NR2C2: variants seen among roughly 807,000 people sequenced by gnomAD.
NR2C2 encodes nuclear receptor subfamily 2 group C member 2, also known as Nuclear hormone receptor TR4.
NR2C2 carries 6 observed loss-of-function variants against 62.9 expected under a neutral mutation model. The observed-to-expected ratio is 0.10, with a 90% CI of 0.05 to 0.19. The LOEUF (loss-of-function observed/expected upper bound fraction) is 0.19, where lower values mean the gene tolerates loss of function less well. NR2C2 is among the 10% of genes least tolerant of loss of function. The pLI is 1.00. For synonymous variants in NR2C2, 272 were observed against 273.8 expected, an observed-to-expected ratio of 0.99 and a Z score of 0.07; for missense variants, 479 against 762.7, an observed-to-expected ratio of 0.63 and a Z score of 4.38.
rs533538010 is a variant in NR2C2, at chr3:14,976,602, C to CTTTT, written c.-39-27255_-39-27252dup. On this transcript the variant is annotated intron_variant, in intron 1 of 13. Coordinates refer to ENST00000425241, the MANE Select transcript of NR2C2 (RefSeq NM_001291694.2). ...TTCTTGAGTCTGTCTTCCTTCCTTC[C>CTTTT]TTTTTTTTTTTTTTTTTTTTTTGAT... Among the ~76,000 whole-genome samples the CTTTT allele has an allele frequency of 5.6e-3, 504 of 90,614 alleles. 17 individuals carry two copies. Among genetic ancestry groups the CTTTT allele is most frequent in the African/African-American group, 0.014 (268 of 19,676 alleles). 59.4% of individuals were successfully genotyped at this position (90,614 alleles called of 152,430 possible). A position where few individuals can be genotyped will look rare whatever the true frequency, so the allele number is the denominator to read the frequency against.
intron 2 of NR2C2, among the ~76,000 whole-genome samples, chr3:15,010,856 A>C (rs1196896597): frequency 6.6e-6 from 1 of 152,198 alleles, no homozygotes; most frequent in Non-Finnish European, 1.5e-5. Context: ...TGACTGGAGA[A>C]GAGCATACAA....
intron 1 of NR2C2, among the ~76,000 whole-genome samples, chr3:14,981,105 CAAT>C (rs1482903828): frequency 1.3e-5 from 2 of 152,206 alleles, no homozygotes; most frequent in African/African-American, 4.8e-5. Flanking sequence ...ACCATAGTAA[CAAT>C]AATAGCTATT....
chr3:14,964,286 C>G (rs1045058156), intron 1 of NR2C2, among the ~76,000 whole-genome samples: 1 of 152,030 alleles, frequency 6.6e-6, no homozygotes, highest in Non-Finnish European at 1.5e-5. Context: ...CTAATATAAA[C>G]AAAATTATTT....
chr3:15,023,404 C>T (rs534807743), intron 6 of NR2C2, 57 bp downstream of exon 6: 40 of 1,589,472 alleles, frequency 2.5e-5, no homozygotes, highest in Non-Finnish European at 3.0e-5. Flanking sequence ...GAGGCACAGA[C>T]GTGTCCCACA....
intron 5 of NR2C2, 55 bp downstream of exon 5, chr3:15,020,987 G>T: frequency 6.6e-7 from 1 of 1,513,472 alleles, no homozygotes; most frequent in Non-Finnish European, 9.1e-7. Flanking sequence ...GACAGTAAAT[G>T]AGTCCATTAA....
intron 4 of NR2C2, among the ~76,000 whole-genome samples, chr3:15,019,118 C>T (rs939987910): frequency 3.4e-5 from 5 of 148,600 alleles, no homozygotes; most frequent in African/African-American, 7.5e-5. Context: ...TCCAGCTACT[C>T]GGGAGGCTGA....
At chr3:15,038,923 C>G in intron 12 of NR2C2, 199 bp from the exon 13 acceptor site, 1 of 573,190 alleles carries the variant, frequency 1.7e-6, no homozygotes, top group Non-Finnish European at 3.1e-6. Flanking sequence ...GTCCCCGACC[C>G]GCTCCCAGGA....
chr3:14,954,729 G>C lies in NR2C2; in HGVS notation c.-40+6823G>C, dbSNP rs528109341. Among the ~76,000 whole-genome samples the C allele has an allele frequency of 7.2e-5, 11 of 152,196 alleles. No individual in the cohort carries two copies. The East Asian group carries it at 9.6e-4, about 13-fold the overall frequency. ...GGAAGGGGTGTGAGAGGGACTTTTGGGGGTATTGGTAATGTCTTGTTTTCT... is the reference window on the plus strand; with the variant it reads ...GGAAGGGGTGTGAGAGGGACTTTTGCGGGTATTGGTAATGTCTTGTTTTCT... On this transcript the variant is annotated intron_variant, in intron 1 of 13. Transcript: ENST00000425241.
At chr3:14,953,338 C>G (rs1200134588) in intron 1 of NR2C2, among the ~76,000 whole-genome samples, 1 of 152,118 alleles carries the variant, frequency 6.6e-6, no homozygotes, top group African/African-American at 2.4e-5. Flanking sequence ...GAATTTCATT[C>G]CAAGTGCCCA....
At position 15,013,669 on chromosome 3, in the gene NR2C2, C is replaced by T; in HGVS notation, c.153C>T (p.Phe51=). The change falls in exon 3 of 14, where the codon TTC becomes TTT. Residue 51 remains phenylalanine, a synonymous_variant. Coordinates refer to ENST00000425241, the MANE Select transcript of NR2C2 (RefSeq NM_001291694.2). ...VDASGSPKQQ[F]ILTSPDGAGT... ...CCTCCGGATCCCCCAAACAGCAGTT[C>T]ATCCTGACCAGCCCAGATGGAGCTG... 1 of 1,614,220 alleles carries T rather than the reference C, an allele frequency of 6.2e-7. No individual in the cohort carries two copies. The highest frequency in any genetic ancestry group is 2.2e-5 in the East Asian group (1 of 44,872).
intron 1 of NR2C2, chr3:14,959,026 C>T (rs2039611294): frequency 6.6e-6 from 1 of 152,218 alleles, no homozygotes; most frequent in Non-Finnish European, 1.5e-5. Context: ...TTTCAAACTA[C>T]ATCTAGACAC....
chr3:14,962,140 A>G (rs889150543), intron 1 of NR2C2, among the ~76,000 whole-genome samples: 2 of 152,220 alleles, frequency 1.3e-5, no homozygotes, highest in African/African-American at 4.8e-5. Flanking sequence ...ACAACCCTGG[A>G]GACCTGATAA....
At chr3:14,970,294 A>G (rs1482540181) in intron 1 of NR2C2, among the ~76,000 whole-genome samples, 1 of 151,808 alleles carries the variant, frequency 6.6e-6, no homozygotes, top group African/African-American at 2.4e-5. Flanking sequence ...GTGGTAATGA[A>G]TTCTTTTTTT....
chr3:14,999,492 C>A (rs1476397338), intron 1 of NR2C2, among the ~76,000 whole-genome samples: 1 of 151,566 alleles, frequency 6.6e-6, no homozygotes, highest in Admixed American at 6.6e-5. Context: ...GATCTTGTCC[C>A]CCCCAAAAAA....
At chr3:15,031,782 G>A (rs373445816) in intron 9 of NR2C2, among the ~76,000 whole-genome samples, 1 of 151,228 alleles carries the variant, frequency 6.6e-6, no homozygotes, top group African/African-American at 2.4e-5. Flanking sequence ...ATACTGGAGT[G>A]CAGTGGTACA....
chr3:15,009,649 A>T (rs2041294505), intron 2 of NR2C2, among the ~76,000 whole-genome samples: 1 of 152,226 alleles, frequency 6.6e-6, no homozygotes, highest in African/African-American at 2.4e-5. Context: ...ACAGGAATTT[A>T]AGAACTTTTG....
At chr3:14,970,792 G>T (rs1559535949) in intron 1 of NR2C2, among the ~76,000 whole-genome samples, 1 of 152,160 alleles carries the variant, frequency 6.6e-6, no homozygotes. Context: ...GTGAACGTAG[G>T]TATACAAGTA....
chr3:15,030,601 G>A (rs2041957325), intron 9 of NR2C2, 149 bp downstream of exon 9: 9 of 714,204 alleles, frequency 1.3e-5, no homozygotes, highest in Admixed American at 3.4e-5. Context: ...GCCAAGGCAC[G>A]TGGATCACTT....
intron 11 of NR2C2, among the ~76,000 whole-genome samples, chr3:15,035,824 C>T (rs938360901): frequency 6.6e-6 from 1 of 152,208 alleles, no homozygotes; most frequent in Non-Finnish European, 1.5e-5. Flanking sequence ...CTTGGGCGTT[C>T]GAAACCAGCC....
Sources: allele counts gnomAD v4.1 joint callset (sites outside exome capture counted in the v4.1 genomes callset), GRCh38; gene constraint gnomAD v4.1.1; transcripts MANE v1.5; gene names NCBI Gene and HGNC (gene_info 2026-07-23, HGNC 2026-07-21).